The following NIPA2 variants were observed in gnomAD, a reference collection of about 807,000 sequenced individuals.
NIPA2 encodes NIPA magnesium transporter 2.
In NIPA2, 11 loss-of-function variants were observed where a neutral mutation model predicts 29.7. The observed-to-expected ratio is 0.37, with a 90% CI of 0.23 to 0.61. The LOEUF (loss-of-function observed/expected upper bound fraction) is 0.61, where lower values mean the gene tolerates loss of function less well. Among genes scored for constraint, NIPA2 ranks in the 20% least tolerant of loss-of-function variants. The pLI is 0.66. For synonymous variants in NIPA2, 183 were observed against 161.9 expected, an observed-to-expected ratio of 1.13 and a Z score of -0.99; for missense variants, 426 against 437.9, an observed-to-expected ratio of 0.97 and a Z score of 0.24.
At chr15:22,862,856 T>G (rs1018267372) in intron 7 of NIPA2, among the ~76,000 whole-genome samples, 16 of 152,010 alleles carry the variant, frequency 1.1e-4, no homozygotes, top group African/African-American at 3.6e-4. Flanking sequence ...AGGTATTGTT[T>G]TAAGCTTTGT....
intron 4 of NIPA2, 76 bp from the exon 5 acceptor site, chr15:22,853,136 T>A (rs978707437): frequency 4.1e-6 from 4 of 964,896 alleles, no homozygotes; most frequent in Admixed American, 2.0e-5. Flanking sequence ...TTTAAAAATC[T>A]GTCATTACTA....
In NIPA2 at chr15:22,866,404, C is replaced by T. The variant is rs757804421; in HGVS notation, c.640C>T (p.Arg214Trp). 33 of 1,613,976 alleles carry T rather than the reference C, an allele frequency of 2.0e-5. No individual in the cohort carries two copies. The highest frequency in any genetic ancestry group is 1.6e-4 in the Middle Eastern group (1 of 6,062). ...KELFAGKPVLRHPLAWILLLS... is the reference protein window; with the variant it reads ...KELFAGKPVLWHPLAWILLLS... ...GCTGTTTGCAGGGAAGCCTGTGCTG[C>T]GGCATCCCCTGGCTTGGATTCTGCT... Residue 214 changes from arginine (R) to tryptophan (W), a missense_variant, in exon 8 of 8, where the codon CGG becomes TGG. Transcript: ENST00000337451.
intron 5 of NIPA2, among the ~76,000 whole-genome samples, chr15:22,857,692 C>G: frequency 6.6e-6 from 1 of 151,272 alleles, no homozygotes; most frequent in East Asian, 2.0e-4. Flanking sequence ...TAAAAATTAC[C>G]TGGGCATGGT....
rs1164001142 is a variant in NIPA2 at position 22,867,154 on chromosome 15, T to A, written c.*307T>A. On this transcript the variant is annotated 3_prime_UTR_variant, in exon 8 of 8. Coordinates refer to ENST00000337451, the MANE Select transcript of NIPA2 (RefSeq NM_030922.7). ...GTTTTAAGTCTATGAAAATGCTTTA[T>A]TTTTTCATTGGTGATGAAAGTCTGA... 4 of 447,362 alleles carry A rather than the reference T, an allele frequency of 8.9e-6. No homozygotes were observed. Among genetic ancestry groups the A allele is most frequent in the Admixed American group, 3.9e-5 (1 of 25,922 alleles). 27.7% of individuals were successfully genotyped at this position (447,362 alleles called of 1,614,324 possible). A position where few individuals can be genotyped will look rare whatever the true frequency, so the allele number is the denominator to read the frequency against.
rs924783122 is a variant in NIPA2 at position 22,867,238 on chromosome 15, T to TA, written c.*398dup. ...CTGACCATGTAAGGCTTTTTTATTT[T>TA]AAAAAAACAGAGTTATCCCAATACA... On this transcript the variant is annotated 3_prime_UTR_variant, in exon 8 of 8. Transcript: ENST00000337451. 6.9e-5 allele frequency: 28 copies of TA among 403,828 alleles called. No individual in the cohort carries two copies. Among genetic ancestry groups the TA allele is most frequent in the Admixed American group, 2.5e-4 (6 of 23,538 alleles). The allele number at this position is 403,828 out of a possible 1,614,324, so 25.0% of individuals were successfully genotyped here.
chr15:22,847,024 C>T (rs71400447), intron 3 of NIPA2, among the ~76,000 whole-genome samples: 22,197 of 151,140 alleles, frequency 0.15, 1,948 homozygotes, highest in Admixed American at 0.26. Context: ...CTGCCTCAGC[C>T]TCCCGAGTAG....
At chr15:22,850,625 G>A (rs1401918480) in intron 3 of NIPA2, among the ~76,000 whole-genome samples, 1 of 152,200 alleles carries the variant, frequency 6.6e-6, no homozygotes, top group Non-Finnish European at 1.5e-5. Flanking sequence ...AAGCTAGAGA[G>A]CTTAGCATAA....
Position 22,867,344 on chromosome 15 carries a change from A to G in NIPA2, c.*497A>G. 2.5e-6 allele frequency: 1 copy of G among 394,716 alleles called. No individual in the cohort carries two copies. 24.5% of individuals were successfully genotyped at this position (394,716 alleles called of 1,614,324 possible). ...TGGTTTTATTTTTGAAATATTTATT[A>G]AGGGAAAACTAAGTTACTGAATGAA... On this transcript the variant is annotated 3_prime_UTR_variant, in exon 8 of 8. Coordinates refer to ENST00000337451, the MANE Select transcript of NIPA2 (RefSeq NM_030922.7).
intron 5 of NIPA2, among the ~76,000 whole-genome samples, chr15:22,855,738 T>A (rs918902160): frequency 1.8e-4 from 27 of 152,146 alleles, no homozygotes; most frequent in African/African-American, 6.5e-4. Context: ...CCAGCCTCGC[T>A]GAAAGGTATT....
intron 2 of NIPA2, among the ~76,000 whole-genome samples, chr15:22,844,632 G>A (rs1898110874): frequency 6.6e-6 from 1 of 151,994 alleles, no homozygotes; most frequent in Non-Finnish European, 1.5e-5. Context: ...GTATACGCCT[G>A]TGGTCCTGTT....
At chr15:22,855,398 CAAG>C (rs1314134913) in intron 5 of NIPA2, among the ~76,000 whole-genome samples, 1 of 150,766 alleles carries the variant, frequency 6.6e-6, no homozygotes, top group East Asian at 1.9e-4. Flanking sequence ...GCCTGGGCAA[CAAG>C]AGTGAAACTG....
rs759325039 is a variant in NIPA2 at position 22,860,712 on chromosome 15, C to T, written c.371C>T (p.Thr124Ile). 7 of 1,601,512 alleles carry T rather than the reference C, an allele frequency of 4.4e-6. No individual in the cohort carries two copies. The South Asian group carries it at 4.5e-5, about 10-fold the overall frequency. ...IGCLLSILGS[T>I]VMVIHAPKEE... ...TGTTTGCTAAGTATTCTAGGATCTACAGTTATGGTCATTCATGCTCCAAAG... is the reference window on the plus strand; with the variant it reads ...TGTTTGCTAAGTATTCTAGGATCTATAGTTATGGTCATTCATGCTCCAAAG... The change falls in exon 7 of 8, where the codon ACA (threonine) becomes ATA (isoleucine). Residue 124 changes from threonine to isoleucine, a missense_variant. Physicochemically the swap from Thr to Ile is moderately conservative, Grantham distance 89. Transcript: ENST00000337451.
intron 7 of NIPA2, among the ~76,000 whole-genome samples, chr15:22,862,898 CTTTTT>C (rs59317671): frequency 1.2e-4 from 13 of 110,282 alleles, no homozygotes; most frequent in Non-Finnish European, 2.3e-4. Context: ...TGCCTTTATT[CTTTTT>C]TTTTTTTTTT....
At position 22,843,904 on chromosome 15, in the gene NIPA2, G is replaced by GAAACC. The variant is rs937523177; in HGVS notation, c.-215-1242_-215-1241insAAACC. ...GTAGAGATGGGGTTTCACCATGTTG[G>GAAACC]CCAGGCTGGTCTCGAACTCCTGGCC... On this transcript the variant is annotated intron_variant, in intron 2 of 7. Transcript: ENST00000337451. 3.2e-4 allele frequency among the ~76,000 whole-genome samples: 49 copies of GAAACC among 152,230 alleles called. 2 individuals are homozygous for GAAACC. The South Asian group carries it at 9.3e-3, about 29-fold the overall frequency.
In NIPA2 at chr15:22,851,756, G is replaced by A; in HGVS notation, c.25G>A (p.Asp9Asn). Residue 9 changes from aspartate to asparagine, a missense_variant, in exon 4 of 8, where the codon GAC becomes AAC. This residue lies in a region of NIPA2 where 57 missense variants were observed against 66.6 expected (regional missense o/e 0.86). Coordinates refer to ENST00000337451, the MANE Select transcript of NIPA2 (RefSeq NM_030922.7). MSQGRGKY[D>N]FYIGLGLAMS... ...AATGAGCCAGGGGCGTGGAAAATAT[G>A]ACTTCTATATTGGTCTGGGATTGGC... The A allele has an allele frequency of 6.2e-7, 1 of 1,611,276 alleles. No homozygotes were observed.
intron 7 of NIPA2, among the ~76,000 whole-genome samples, chr15:22,862,895 A>AT (rs2058716824): frequency 1.9e-5 from 2 of 103,432 alleles, no homozygotes; most frequent in African/African-American, 4.0e-5. Flanking sequence ...GTTTGCCTTT[A>AT]TTCTTTTTTT....
rs1261108079 is a variant in NIPA2, at chr15:22,867,598, G to GTACTT, written c.*753_*757dup. On this transcript the variant is annotated 3_prime_UTR_variant, in exon 8 of 8. Coordinates refer to ENST00000337451, the MANE Select transcript of NIPA2 (RefSeq NM_030922.7). The stretch of plus-strand genomic sequence containing the variant: ...TGATTACCGTTTTACATCAGCTCTT[G>GTACTT]TACTTTTCAGTATATTTTCATAATG... The GTACTT allele has an allele frequency of 5.9e-6, 1 of 170,346 alleles. No homozygotes were observed. The highest frequency in any genetic ancestry group is 1.2e-5 in the Non-Finnish European group (1 of 80,554). The allele number at this position is 170,346 out of a possible 1,614,324, so 10.6% of individuals were successfully genotyped here. A position where few individuals can be genotyped will look rare whatever the true frequency, so the allele number is the denominator to read the frequency against.
intron 3 of NIPA2, among the ~76,000 whole-genome samples, chr15:22,846,677 G>A (rs1222285169): frequency 1.3e-5 from 2 of 151,768 alleles, no homozygotes; most frequent in Non-Finnish European, 2.9e-5. Context: ...GCCAGGTGGT[G>A]TAGTGTTGCA....
chr15:22,866,160 G>A (rs994428181), intron 7 of NIPA2, 53 bp from the exon 8 acceptor site: 3 of 1,472,214 alleles, frequency 2.0e-6, no homozygotes, highest in African/African-American at 2.8e-5. Flanking sequence ...TGCATTCTGT[G>A]TTTAAGAACA....
Sources: gnomAD v4.1 joint callset for allele counts (sites outside exome capture counted in the v4.1 genomes callset) on GRCh38, gnomAD v4.1.1 for gene constraint, gnomAD v4.1.1 regional missense constraint, MANE v1.5 for transcripts, NCBI Gene and HGNC (gene_info 2026-07-23, HGNC 2026-07-21) for gene names.